SLC38A1: variants seen among roughly 807,000 people sequenced by gnomAD.
SLC38A1 encodes solute carrier family 38 member 1, also known as sodium-coupled neutral amino acid symporter 1.
Under a neutral mutation model 60.3 loss-of-function variants are expected in SLC38A1, and 18 were observed. That is an observed-to-expected ratio of 0.30 (90% CI 0.21 to 0.44). The LOEUF is 0.44. SLC38A1 is among the 20% of genes least tolerant of loss of function. SLC38A1 has a pLI of 1.00. For synonymous variants in SLC38A1, 196 were observed against 212.1 expected, an observed-to-expected ratio of 0.92 and a Z score of 0.66; for missense variants, 448 against 587.2, an observed-to-expected ratio of 0.76 and a Z score of 2.45.
chr12:46,221,998 C>T (rs1004460663), intron 5 of SLC38A1, among the ~76,000 whole-genome samples: 1 of 152,080 alleles, frequency 6.6e-6, no homozygotes, highest in Admixed American at 6.6e-5. Context: ...TTAAGGCAGG[C>T]AGCCTCTACA....
rs116387049 is a variant in SLC38A1, at chr12:46,205,950, T to C, written c.646+130A>G. 1,387 of 548,858 alleles carry C rather than the reference T, an allele frequency of 2.5e-3. 18 individuals carry two copies. Among genetic ancestry groups the C allele is most frequent in the African/African-American group, 0.024 (1,227 of 51,726 alleles). The allele number at this position is 548,858 out of a possible 1,614,324, so 34.0% of individuals were successfully genotyped here. ...ATTAAAGTTGGGACCGATTAATACT[T>C]GCAATTTATCATGTACTTAATCTTT... is the stretch of plus-strand genomic sequence containing the variant. On this transcript the variant is annotated intron_variant, in intron 9 of 16. Transcript: ENST00000398637.
At position 46,209,036 on chromosome 12, in the gene SLC38A1, A is replaced by C; in HGVS notation, c.388+18T>G. Reference sequence around the variant, plus strand: ...ATTCACCCTGGTTTTAACAAAATCAAACACGTCCTCAGCTTACCTGTTTCT... The same window carrying C: ...ATTCACCCTGGTTTTAACAAAATCACACACGTCCTCAGCTTACCTGTTTCT... On this transcript the variant is annotated intron_variant, in intron 6 of 16. Coordinates refer to ENST00000398637, the MANE Select transcript of SLC38A1 (RefSeq NM_030674.4). 2 of 1,585,102 alleles carry C rather than the reference A, an allele frequency of 1.3e-6. No individual in the cohort carries two copies. Among genetic ancestry groups the C allele is most frequent in the Admixed American group, 3.4e-5 (2 of 58,628 alleles).
intron 16 of SLC38A1, among the ~76,000 whole-genome samples, chr12:46,191,493 G>A (rs922358699): frequency 5.3e-5 from 8 of 152,154 alleles, no homozygotes; most frequent in Admixed American, 1.3e-4. Flanking sequence ...GATTGATGGG[G>A]ATAGCATTGA....
At chr12:46,246,871 G>A (rs1941639098) in intron 1 of SLC38A1, among the ~76,000 whole-genome samples, 1 of 152,196 alleles carries the variant, frequency 6.6e-6, no homozygotes, top group Admixed American at 6.5e-5. Flanking sequence ...AGCCTCCACT[G>A]GTGATACCTG....
chr12:46,198,310 T>C (rs776151295), intron 14 of SLC38A1, among the ~76,000 whole-genome samples: 1 of 152,234 alleles, frequency 6.6e-6, no homozygotes, highest in Non-Finnish European at 1.5e-5. Flanking sequence ...TATCTAAGAC[T>C]TGAATGTTCA....
Position 46,189,024 on chromosome 12 carries a change from A to G in SLC38A1, c.1410T>C (p.Ile470=). The G allele has an allele frequency of 6.2e-7, 1 of 1,613,816 alleles. No individual in the cohort carries two copies. The highest frequency in any genetic ancestry group is 8.5e-7 in the Non-Finnish European group (1 of 1,179,846). ...GLGVLFSLVS[I]PLVIYDWACS... ...AGGCCCAGTCATAGATGACCAAGGGAATGCTGACCAAGGAGAACAACACCC... is the reference window on the plus strand; with the variant it reads ...AGGCCCAGTCATAGATGACCAAGGGGATGCTGACCAAGGAGAACAACACCC... Residue 470 remains isoleucine (I), a synonymous_variant, in exon 17 of 17, where the codon ATT becomes ATC. Coordinates refer to ENST00000398637, the MANE Select transcript of SLC38A1 (RefSeq NM_030674.4).
chr12:46,202,953 G>T, intron 12 of SLC38A1, 57 bp downstream of exon 12: 1 of 1,294,348 alleles, frequency 7.7e-7, no homozygotes, highest in Non-Finnish European at 1.1e-6. Context: ...TTGCATACTT[G>T]CCTATTAATG....
chr12:46,218,354 C>T (rs912362211), intron 5 of SLC38A1, among the ~76,000 whole-genome samples: 15 of 151,902 alleles, frequency 9.9e-5, no homozygotes, highest in African/African-American at 3.6e-4. Context: ...CAGAAAAATC[C>T]CATGTGACTG....
chr12:46,196,285 G>A, intron 16 of SLC38A1: 7 of 1,535,668 alleles, frequency 4.6e-6, no homozygotes, highest in Non-Finnish European at 6.1e-6. Flanking sequence ...AGCTAAGGAA[G>A]GAGAGGAGCA....
chr12:46,248,984 G>A lies in SLC38A1; in HGVS notation c.-208-5670C>T, dbSNP rs146792017. ...ATCCTGGCTAACACATTGAAACCCC[G>A]TCTCTACTAAAAATACAAAAAATTA... is the stretch of plus-strand genomic sequence containing the variant. On this transcript the variant is annotated intron_variant, in intron 1 of 16. Transcript: ENST00000398637. Among the ~76,000 whole-genome samples the A allele has an allele frequency of 2.9e-3, 444 of 151,808 alleles. 7 individuals are homozygous for A. The East Asian group carries it at 0.059, about 20-fold the overall frequency.
chr12:46,244,570 C>A (rs1309960855), intron 1 of SLC38A1, among the ~76,000 whole-genome samples: 2 of 152,204 alleles, frequency 1.3e-5, no homozygotes, highest in Non-Finnish European at 2.9e-5. Flanking sequence ...AGCCCTGGAG[C>A]CAACAGTTGT....
Position 46,183,791 on chromosome 12 carries a change from A to C in SLC38A1, c.*5179T>G, listed in dbSNP as rs1938846882. On this transcript the variant is annotated 3_prime_UTR_variant, in exon 17 of 17. Transcript: ENST00000398637. ...AGAAATCAAGGGAACTATTTCTCAG[A>C]CATTTCTTTCTCTAAATTAAGTAGG... is the stretch of plus-strand genomic sequence containing the variant. 1 of 152,238 alleles carries C rather than the reference A, an allele frequency of 6.6e-6. No homozygotes were observed. Among genetic ancestry groups the C allele is most frequent in the South Asian group, 2.1e-4 (1 of 4,828 alleles). 9.4% of individuals were successfully genotyped at this position (152,238 alleles called of 1,614,324 possible). A position where few individuals can be genotyped will look rare whatever the true frequency, so the allele number is the denominator to read the frequency against.
rs1487534865 is a variant in SLC38A1, at chr12:46,268,112, G to A, written c.-209+414C>T. Among the ~76,000 whole-genome samples, 5 of 152,122 alleles carry A rather than the reference G, an allele frequency of 3.3e-5. No individual in the cohort carries two copies. The highest frequency in any genetic ancestry group is 3.9e-4 in the East Asian group (2 of 5,174). ...ACAGGAAATTTTCACCAAAGGCCGGGGATTCAAACACTCCCAGAACACGGT... is the reference window on the plus strand; with the variant it reads ...ACAGGAAATTTTCACCAAAGGCCGGAGATTCAAACACTCCCAGAACACGGT... On this transcript the variant is annotated intron_variant, in intron 1 of 16. Coordinates refer to ENST00000398637, the MANE Select transcript of SLC38A1 (RefSeq NM_030674.4). The surrounding 1 kb of genome is among the most constrained non-coding windows in gnomAD (Gnocchi z 4.4).
intron 16 of SLC38A1, among the ~76,000 whole-genome samples, chr12:46,191,765 T>C (rs1273809319): frequency 1.3e-5 from 2 of 152,230 alleles, no homozygotes; most frequent in Non-Finnish European, 2.9e-5. Context: ...TTGTGATTTT[T>C]GCACATTGAT....
At position 46,268,792 on chromosome 12, in the gene SLC38A1, C is replaced by A; in HGVS notation, c.-475G>T. 1 of 396,422 alleles carries A rather than the reference C, an allele frequency of 2.5e-6. No homozygotes were observed. Among genetic ancestry groups the A allele is most frequent in the Non-Finnish European group, 5.3e-6 (1 of 187,894 alleles). 24.6% of individuals were successfully genotyped at this position (396,422 alleles called of 1,614,324 possible). A position where few individuals can be genotyped will look rare whatever the true frequency, so the allele number is the denominator to read the frequency against. On this transcript the variant is annotated 5_prime_UTR_variant, in exon 1 of 17. Coordinates refer to ENST00000398637, the MANE Select transcript of SLC38A1 (RefSeq NM_030674.4). The surrounding 1 kb of genome is among the most constrained non-coding windows in gnomAD (Gnocchi z 4.4). Reference sequence around the variant, plus strand: ...GCGCTCGCCTGGCTCTCCTCCTTTCCGGGCCGATTGCATCAGAATCTCCCC... The same window carrying A: ...GCGCTCGCCTGGCTCTCCTCCTTTCAGGGCCGATTGCATCAGAATCTCCCC...
At chr12:46,256,497 G>A (rs915029005) in intron 1 of SLC38A1, among the ~76,000 whole-genome samples, 9 of 152,082 alleles carry the variant, frequency 5.9e-5, no homozygotes, top group Non-Finnish European at 1.3e-4. Context: ...CCCCGAACCC[G>A]GGCTGCCATT....
At chr12:46,238,089 T>A (rs1012542336) in intron 3 of SLC38A1, among the ~76,000 whole-genome samples, 1 of 151,822 alleles carries the variant, frequency 6.6e-6, no homozygotes, top group Non-Finnish European at 1.5e-5. Context: ...AAACGGAAAC[T>A]TTACATTTTT....
rs1013455005 is a variant in SLC38A1, at chr12:46,184,240, A to T, written c.*4730T>A. On this transcript the variant is annotated 3_prime_UTR_variant, in exon 17 of 17. Transcript: ENST00000398637. Reference sequence around the variant, plus strand: ...GTTAGACACCCCACCTTCAGCTTGTACCTGAAAGCTTTATCTCGTTATAAA... The same window carrying T: ...GTTAGACACCCCACCTTCAGCTTGTTCCTGAAAGCTTTATCTCGTTATAAA... 2.6e-5 allele frequency: 4 copies of T among 152,250 alleles called. No individual in the cohort carries two copies. Among genetic ancestry groups the T allele is most frequent in the Non-Finnish European group, 2.9e-5 (2 of 68,040 alleles). The allele number at this position is 152,250 out of a possible 1,614,324, so 9.4% of individuals were successfully genotyped here.
rs556257668 is a variant in SLC38A1, at chr12:46,257,173, C to T, written c.-209+11353G>A. ...CCCTTTTAGGGAGGAAAAAGCATTC[C>T]GTGTCCCAAGATTCTGTACATGCCT... On this transcript the variant is annotated intron_variant, in intron 1 of 16. Coordinates refer to ENST00000398637, the MANE Select transcript of SLC38A1 (RefSeq NM_030674.4). Among the ~76,000 whole-genome samples the T allele has an allele frequency of 5.9e-5, 9 of 152,272 alleles. No homozygotes were observed. The South Asian group carries it at 1.9e-3, about 32-fold the overall frequency.
Sources: allele counts gnomAD v4.1 joint callset (sites outside exome capture counted in the v4.1 genomes callset), GRCh38; gene constraint gnomAD v4.1.1; non-coding constraint Gnocchi (gnomAD v3.1); transcripts MANE v1.5; gene names NCBI Gene and HGNC (gene_info 2026-07-23, HGNC 2026-07-21).